The following REXO1 variants were observed in gnomAD, a reference collection of about 807,000 sequenced individuals.
REXO1 encodes RNA exonuclease 1 homolog, also known as REX1, RNA exonuclease 1 homolog.
A neutral mutation model predicts 102.6 loss-of-function variants in REXO1; 42 were observed. That is an observed-to-expected ratio of 0.41 (90% confidence interval 0.32 to 0.53). REXO1 has a LOEUF of 0.53. Ranked by LOEUF, REXO1 falls within the 20% of genes least tolerant of loss-of-function variation. The pLI is 0.27. For missense variants in REXO1, 1,819 were observed against 1,732.5 expected, an observed-to-expected ratio of 1.05 and a Z score of -0.89; for synonymous variants, 908 against 779.1, an observed-to-expected ratio of 1.17 and a Z score of -2.76.
At chr19:1,820,228 C>T in intron 6 of REXO1, 36 bp downstream of exon 6, 2 of 1,597,502 alleles carry the variant, frequency 1.3e-6, no homozygotes, top group Non-Finnish European at 1.7e-6. Context: ...CCCTAGTCCC[C>T]ACCCGACCGG....
rs765477841 is a variant in REXO1 at position 1,825,850 on chromosome 19, G to C, written c.2005C>G (p.Gln669Glu). The C allele has an allele frequency of 2.6e-5, 42 of 1,609,698 alleles. No individual in the cohort carries two copies. The highest frequency in any genetic ancestry group is 3.3e-5 in the Non-Finnish European group (39 of 1,177,294). The change falls in exon 3 of 16, where the codon CAA (glutamine) becomes GAA (glutamate). Residue 669 changes from glutamine (Q) to glutamate (E), a missense_variant. Transcript: ENST00000170168. The stretch of plus-strand genomic sequence containing the variant: ...TCTGCGGACCTTACCTCCTGGCCTT[G>C]CTTGGAAAGGTGGGAGATCCTCCTC... ...QKRRISHLSK[Q>E]GQEVEPPRRG...
At chr19:1,841,773 A>T (rs1004689003) in intron 1 of REXO1, among the ~76,000 whole-genome samples, 1 of 152,072 alleles carries the variant, frequency 6.6e-6, no homozygotes, top group African/African-American at 2.4e-5. Context: ...AACCCCTCCC[A>T]GCAGGCACGC....
In REXO1 at chr19:1,826,181, G is replaced by T. The variant is rs1310247031; in HGVS notation, c.1912-238C>A. ...CCTCTCCTGGGCACCCAGGGCCCCA[G>T]CTTGGAGACCCCAGGGCTGCAGAAT... On this transcript the variant is annotated intron_variant, in intron 2 of 15. Coordinates refer to ENST00000170168, the MANE Select transcript of REXO1 (RefSeq NM_020695.4). The surrounding 1 kb of genome is among the most constrained non-coding windows in gnomAD (Gnocchi z 4.3). Among the ~76,000 whole-genome samples the T allele has an allele frequency of 1.3e-5, 2 of 152,174 alleles. No individual in the cohort carries two copies. The highest frequency in any genetic ancestry group is 1.5e-5 in the Non-Finnish European group (1 of 68,034).
rs764342684 is a variant in REXO1, at chr19:1,827,392, C to A, written c.1397G>T (p.Arg466Leu). 3 of 1,539,662 alleles carry A rather than the reference C, an allele frequency of 1.9e-6. No homozygotes were observed. The highest frequency in any genetic ancestry group is 2.4e-5 in the South Asian group (2 of 84,746). ...GGGTGGGCCTCTGCCGGCCGCCGGT[C>A]GGGAGTCCCCGCTTGTGGGGCTCGG... ...RRPSPTSGDS[R>L]PAAGRGPPRP... The change falls in exon 2 of 16, where the codon CGA (arginine) becomes CTA (leucine). Residue 466 changes from arginine (R) to leucine (L), a missense_variant. Physicochemically the swap from Arg to Leu is moderately radical, Grantham distance 102. Transcript: ENST00000170168.
intron 1 of REXO1, among the ~76,000 whole-genome samples, 153 bp downstream of exon 1, chr19:1,848,049 G>T (rs750824767): frequency 6.6e-6 from 1 of 152,242 alleles, no homozygotes; most frequent in Non-Finnish European, 1.5e-5. Flanking sequence ...GGGTCCCAGG[G>T]TGGGTGGTTC....
chr19:1,838,601 G>A lies in REXO1; in HGVS notation c.157+9601C>T, dbSNP rs540917510. Among the ~76,000 whole-genome samples, 5 of 149,872 alleles carry A rather than the reference G, an allele frequency of 3.3e-5. No individual in the cohort carries two copies. In the South Asian group the frequency reaches 1.1e-3, roughly 32 times the overall value. On this transcript the variant is annotated intron_variant, in intron 1 of 15. Coordinates refer to ENST00000170168, the MANE Select transcript of REXO1 (RefSeq NM_020695.4). ...AATCGTTTGAACTCGGGAGGCGGAC[G>A]TTGCGGTGAGCCGAGATCGTGACAT...
rs1337495226 is a variant in REXO1 at position 1,816,821 on chromosome 19, CA to C, written c.3202-9del. 6.2e-7 allele frequency: 1 copy of C among 1,601,900 alleles called. No individual in the cohort carries two copies. The highest frequency in any genetic ancestry group is 8.5e-7 in the Non-Finnish European group (1 of 1,170,306). On this transcript the variant is annotated splice_polypyrimidine_tract_variant and intron_variant, in intron 12 of 15. Transcript: ENST00000170168. ...GCCATATGTGGTGTAGGACTGCGGG[CA>C]AGGGATGCACCTCAGATGTGTCCCA... is the stretch of plus-strand genomic sequence containing the variant.
intron 14 of REXO1, 35 bp from the exon 15 acceptor site, chr19:1,816,380 C>T (rs769446071): frequency 1.3e-6 from 2 of 1,595,964 alleles, no homozygotes; most frequent in Non-Finnish European, 1.7e-6. Flanking sequence ...GCACGTGGGG[C>T]CTGCGCAGGT....
rs1184668143 is a variant in REXO1, at chr19:1,826,822, C to T, written c.1911+56G>A. ...ACCACTCCAGATAGAAGGTCTCTCA[C>T]CAGGCCCTCGGCTCTGCCTCTGCCC... On this transcript the variant is annotated intron_variant, in intron 2 of 15. Coordinates refer to ENST00000170168, the MANE Select transcript of REXO1 (RefSeq NM_020695.4). This position sits in a 1 kb window ranked among gnomAD's most constrained non-coding sequence, Gnocchi z 4.3. The T allele has an allele frequency of 3.3e-6, 5 of 1,537,318 alleles. No homozygotes were observed. In the African/African-American group the frequency reaches 6.9e-5, roughly 21 times the overall value.
chr19:1,817,422 C>T, intron 11 of REXO1, 93 bp from the exon 12 acceptor site: 1 of 1,549,950 alleles, frequency 6.5e-7, no homozygotes, highest in South Asian at 1.2e-5. Flanking sequence ...TCGGGACCAT[C>T]CTATCCATCC....
chr19:1,836,829 G>A (rs1005775854), intron 1 of REXO1, among the ~76,000 whole-genome samples: 5 of 149,272 alleles, frequency 3.3e-5, no homozygotes, highest in Non-Finnish European at 5.9e-5. Context: ...GGCTCTCAAC[G>A]CAACCAGGCA....
chr19:1,820,322 T>C lies in REXO1; in HGVS notation c.2468A>G (p.Asn823Ser). ...VPTVIRQRYL[N>S]LFIEECLKFC... ...CTTGAGACACTCCTCGATGAACAGG[T>C]TGAGATAGCGCTGGCGGATGACGGT... Residue 823 changes from asparagine (N) to serine (S), a missense_variant, in exon 6 of 16, where the codon AAC becomes AGC. Asn to Ser is a conservative substitution (Grantham distance 46). Coordinates refer to ENST00000170168, the MANE Select transcript of REXO1 (RefSeq NM_020695.4). 1.2e-6 allele frequency: 2 copies of C among 1,613,794 alleles called. No individual in the cohort carries two copies. The highest frequency in any genetic ancestry group is 2.2e-5 in the South Asian group (2 of 91,076).
rs376233777 is a variant in REXO1, at chr19:1,816,033, C to A, written c.*33G>T. On this transcript the variant is annotated 3_prime_UTR_variant, in exon 16 of 16. Coordinates refer to ENST00000170168, the MANE Select transcript of REXO1 (RefSeq NM_020695.4). Reference sequence around the variant, plus strand: ...GGCATGGGGCTAAGGACCAGCGGGACGGCAGGAGAGGCGGGTGGGAGGCGG... The same window carrying A: ...GGCATGGGGCTAAGGACCAGCGGGAAGGCAGGAGAGGCGGGTGGGAGGCGG... 2.5e-4 allele frequency: 391 copies of A among 1,540,786 alleles called. 3 individuals are homozygous for A. The Middle Eastern group carries it at 4.7e-3, about 18-fold the overall frequency.
At chr19:1,833,718 C>T (rs557661218) in intron 1 of REXO1, among the ~76,000 whole-genome samples, 46 of 152,226 alleles carry the variant, frequency 3.0e-4, no homozygotes, top group Non-Finnish European at 5.7e-4. Context: ...CTGCAGAGCA[C>T]GCCACCCTGC....
rs758552081 is a variant in REXO1 at position 1,819,140 on chromosome 19, A to G, written c.2651-9T>C. ...CCTGCGGCCACTGGTTTCTGGAAGG[A>G]AGGGAGGGAGGGGAGGAGGGTGTGA... On this transcript the variant is annotated splice_polypyrimidine_tract_variant and intron_variant, in intron 7 of 15. Transcript: ENST00000170168. The G allele has an allele frequency of 6.4e-6, 10 of 1,555,884 alleles. No individual in the cohort carries two copies. The highest frequency in any genetic ancestry group is 2.7e-5 in the African/African-American group (2 of 73,330).
rs760725493 is a variant in REXO1, at chr19:1,827,014, CTGGAGG to C, written c.1769_1774del (p.Thr590_Ser591del). 7.0e-7 allele frequency: 1 copy of C among 1,436,752 alleles called. No individual in the cohort carries two copies. Among genetic ancestry groups the C allele is most frequent in the Non-Finnish European group, 9.3e-7 (1 of 1,078,682 alleles). The allele number at this position is 1,436,752 out of a possible 1,614,324, so 89.0% of individuals were successfully genotyped here. A position where few individuals can be genotyped will look rare whatever the true frequency, so the allele number is the denominator to read the frequency against. ...CGAGTAGTCCACATCCGCCCCCGCG[CTGGAGG>C]TGGAGGAGGAGGAGGAGGAGGAGGA... On this transcript the variant is annotated inframe_deletion, in exon 2 of 16. Transcript: ENST00000170168.
At chr19:1,822,001 C>G (rs893721657) in intron 4 of REXO1, 9 of 532,274 alleles carry the variant, frequency 1.7e-5, no homozygotes, top group South Asian at 1.7e-4. Context: ...CCCTGGCTCC[C>G]GGACAGAGGA....
chr19:1,817,375 G>C (rs571940026), intron 11 of REXO1, 46 bp from the exon 12 acceptor site: 1 of 1,603,894 alleles, frequency 6.2e-7, no homozygotes, highest in South Asian at 1.1e-5. Context: ...GGTGCAGTGG[G>C]GGCGGGGGTG....
Position 1,827,484 on chromosome 19 carries a change from C to A in REXO1, c.1305G>T (p.Lys435Asn). The A allele has an allele frequency of 6.3e-7, 1 of 1,576,092 alleles. No homozygotes were observed. The highest frequency in any genetic ancestry group is 8.5e-7 in the Non-Finnish European group (1 of 1,171,218). ...RKAERPEGTKKKPSSATPVAT... is the reference protein window; with the variant it reads ...RKAERPEGTKNKPSSATPVAT... ...CCACAGGAGTGGCCGAAGATGGCTTCTTCTTGGTCCCTTCCGGCCGCTCTG... is the reference window on the plus strand; with the variant it reads ...CCACAGGAGTGGCCGAAGATGGCTTATTCTTGGTCCCTTCCGGCCGCTCTG... Residue 435 changes from lysine (K) to asparagine (N), a missense_variant, in exon 2 of 16, where the codon AAG becomes AAT. Coordinates refer to ENST00000170168, the MANE Select transcript of REXO1 (RefSeq NM_020695.4).
Sources: gnomAD v4.1 joint callset for allele counts (sites outside exome capture counted in the v4.1 genomes callset) on GRCh38, gnomAD v4.1.1 for gene constraint, Gnocchi (gnomAD v3.1) non-coding constraint, MANE v1.5 for transcripts, NCBI Gene and HGNC (gene_info 2026-07-23, HGNC 2026-07-21) for gene names.